The following SOD2 variants were observed in gnomAD, a reference collection of about 807,000 sequenced individuals.
The protein encoded by SOD2 is superoxide dismutase 2.
Under a neutral mutation model 27.0 loss-of-function variants are expected in SOD2, and 11 were observed. The ratio of observed to expected loss-of-function variants is 0.41; its 90% CI spans 0.26 to 0.67. The LOEUF is 0.67. Ranked by LOEUF, SOD2 falls within the 30% of genes least tolerant of loss-of-function variation. The pLI, the probability that SOD2 is intolerant of heterozygous loss-of-function variation, is 0.34. For synonymous variants in SOD2, 105 were observed against 103.0 expected, an observed-to-expected ratio of 1.02 and a Z score of -0.12; for missense variants, 250 against 274.5, an observed-to-expected ratio of 0.91 and a Z score of 0.63.
At chr6:159,720,134 G>A (rs886851668) in intron 1 of SOD2, among the ~76,000 whole-genome samples, 2 of 151,454 alleles carry the variant, frequency 1.3e-5, no homozygotes, top group African/African-American at 2.4e-5. Context: ...GGGTTCAAGC[G>A]AATCTCCTGT....
chr6:159,693,059 G>A lies in SOD2; in HGVS notation c.23+86C>T, dbSNP rs1777308990. On this transcript the variant is annotated intron_variant, in intron 1 of 4. Coordinates refer to ENST00000538183, the MANE Select transcript of SOD2 (RefSeq NM_000636.4). Reference sequence around the variant, plus strand: ...GCCCCGGTCCCGCCAGGCCCGGTGCGGCCACTGTCGCCATTGCCGCGGAGG... The same window carrying A: ...GCCCCGGTCCCGCCAGGCCCGGTGCAGCCACTGTCGCCATTGCCGCGGAGG... 6 of 1,497,604 alleles carry A rather than the reference G, an allele frequency of 4.0e-6. No individual in the cohort carries two copies. The Admixed American group carries it at 6.5e-5, about 16-fold the overall frequency. The allele number at this position is 1,497,604 out of a possible 1,614,324, so 92.8% of individuals were successfully genotyped here.
At chr6:159,720,027 C>CTT (rs753147000) in intron 1 of SOD2, among the ~76,000 whole-genome samples, 6 of 131,744 alleles carry the variant, frequency 4.6e-5, no homozygotes, top group African/African-American at 1.1e-4. Context: ...CCCAGCCTTG[C>CTT]TTTTTTTTTT....
exon 1 of SOD2, chr6:159,762,225 AG>A: frequency 6.8e-7 from 1 of 1,481,054 alleles, no homozygotes; most frequent in Non-Finnish European, 9.0e-7. Context: ...TGTGTAGGAG[AG>A]GGGCGTATGT....
upstream of SOD2, chr6:159,749,565 A>G (rs1356767869): frequency 9.9e-6 from 4 of 404,906 alleles, no homozygotes; most frequent in African/African-American, 6.5e-5. Context: ...AAGTGAAGGA[A>G]AAGGCGCTGT....
At position 159,712,826 on chromosome 6, in the gene SOD2, A is replaced by G. The variant is rs998296665; in HGVS notation, c.-116+14303T>C. 8.7e-6 allele frequency: 5 copies of G among 574,940 alleles called. No homozygotes were observed. In the African/African-American group the frequency reaches 9.4e-5, roughly 11 times the overall value. 35.6% of individuals were successfully genotyped at this position (574,940 alleles called of 1,614,324 possible). ...AGCCCATCTCTCCCATCATTTGCCT[A>G]CCATAAGCACCACCACTTGCCCCTG... On this transcript the variant is annotated intron_variant, in intron 1 of 2. Coordinates refer to the SOD2 transcript ENST00000401980.
At chr6:159,707,778 T>C (rs1777655649) in intron 1 of SOD2, among the ~76,000 whole-genome samples, 1 of 152,168 alleles carries the variant, frequency 6.6e-6, no homozygotes, top group African/African-American at 2.4e-5. Flanking sequence ...GAGGCCAGCA[T>C]CATCCTGATA....
chr6:159,726,906 C>T, intron 1 of SOD2: 1 of 1,289,020 alleles, frequency 7.8e-7, no homozygotes, highest in Non-Finnish European at 1.0e-6. Flanking sequence ...CGGCCTCTCT[C>T]TTGAGGTGGC....
intron 1 of SOD2, among the ~76,000 whole-genome samples, chr6:159,715,271 T>C (rs536651007): frequency 3.9e-5 from 6 of 152,070 alleles, no homozygotes; most frequent in African/African-American, 1.2e-4. Context: ...ATGAGTGGGA[T>C]AGAGAAAACT....
intron 1 of SOD2, among the ~76,000 whole-genome samples, chr6:159,750,823 A>G (rs1427633805): frequency 2.9e-5 from 4 of 136,080 alleles, no homozygotes; most frequent in Non-Finnish European, 3.2e-5. Flanking sequence ...CTAATTTGAA[A>G]CAAATAATGG....
In SOD2 at chr6:159,713,612, G is replaced by A. The variant is rs181202609; in HGVS notation, c.-116+13517C>T. On this transcript the variant is annotated intron_variant, in intron 1 of 2. Transcript: ENST00000401980. ...ACAATTTCCAACCCTGAAAAGAAAT[G>A]AACAATCTCTTCCTTGGACAGCCAA... 4.0e-6 allele frequency: 4 copies of A among 994,846 alleles called. No individual in the cohort carries two copies. The Admixed American group carries it at 7.3e-5, about 18-fold the overall frequency. The allele number at this position is 994,846 out of a possible 1,614,324, so 61.6% of individuals were successfully genotyped here.
chr6:159,698,764 T>A (rs960191219), intron 1 of SOD2, among the ~76,000 whole-genome samples: 2 of 151,964 alleles, frequency 1.3e-5, no homozygotes, highest in South Asian at 4.2e-4. Context: ...ATATTTTTTA[T>A]GAATATTGTG....
At chr6:159,734,711 T>C (rs779114939) in intron 1 of SOD2, among the ~76,000 whole-genome samples, 6 of 152,348 alleles carry the variant, frequency 3.9e-5, no homozygotes, top group Non-Finnish European at 7.3e-5. Context: ...GTATAAGTTA[T>C]GAATATGCCA....
At chr6:159,752,906 A>G (rs899286294) in intron 1 of SOD2, among the ~76,000 whole-genome samples, 2 of 152,312 alleles carry the variant, frequency 1.3e-5, no homozygotes, top group Admixed American at 6.5e-5. Context: ...GCTACTTTTT[A>G]AAAAATTTTT....
At chr6:159,734,505 G>A (rs977276877) in intron 1 of SOD2, among the ~76,000 whole-genome samples, 1 of 152,048 alleles carries the variant, frequency 6.6e-6, no homozygotes, top group Non-Finnish European at 1.5e-5. Flanking sequence ...AGATTCATGA[G>A]TATACTATTA....
intron 1 of SOD2, chr6:159,755,497 T>C: frequency 1.2e-6 from 2 of 1,614,114 alleles, no homozygotes; most frequent in Non-Finnish European, 1.7e-6. Flanking sequence ...CAGACTCCAG[T>C]CATGACCCTC....
At chr6:159,757,625 C>A (rs1478308711) in intron 1 of SOD2, among the ~76,000 whole-genome samples, 1 of 152,032 alleles carries the variant, frequency 6.6e-6, no homozygotes, top group Non-Finnish European at 1.5e-5. Context: ...GTTGGCCAGG[C>A]TGGTCTCGAA....
intron 1 of SOD2, among the ~76,000 whole-genome samples, chr6:159,721,045 T>G (rs1778029893): frequency 6.7e-6 from 1 of 148,596 alleles, no homozygotes; most frequent in African/African-American, 2.5e-5. Flanking sequence ...TTTTTATTTT[T>G]ATTTAATTTT....
At chr6:159,744,529 G>GT (rs1450891033) in intron 1 of SOD2, among the ~76,000 whole-genome samples, 1 of 58,570 alleles carries the variant, frequency 1.7e-5, no homozygotes, top group Non-Finnish European at 3.9e-5. Context: ...GCACAGTCCT[G>GT]TTCTGTTTCT....
upstream of SOD2, among the ~76,000 whole-genome samples, chr6:159,729,564 A>C (rs1228316949): frequency 2.9e-5 from 4 of 139,098 alleles, no homozygotes; most frequent in African/African-American, 1.2e-4. Context: ...TTATGTTCAT[A>C]TTTTATTTGA....
Sources: allele counts gnomAD v4.1 joint callset (sites outside exome capture counted in the v4.1 genomes callset), GRCh38; gene constraint gnomAD v4.1.1; transcripts MANE v1.5; gene names NCBI Gene and HGNC (gene_info 2026-07-23, HGNC 2026-07-21).